Variants in DPP6 observed in about 807,000 individuals in gnomAD.
The protein encoded by DPP6 is A-type potassium channel modulatory protein DPP6.
In DPP6, 69 loss-of-function variants were observed where a neutral mutation model predicts 122.6. That is an observed-to-expected ratio of 0.56 (90% CI 0.46 to 0.69). DPP6 has a LOEUF of 0.69. DPP6 is among the 30% of genes least tolerant of loss of function. The pLI, the probability that DPP6 is intolerant of heterozygous loss-of-function variation, is 0.00. For missense variants in DPP6, 928 were observed against 1,116.9 expected (o/e 0.83, Z 2.41); for synonymous variants, 418 against 433.1 (o/e 0.97, Z 0.43).
intron 1 of DPP6, among the ~76,000 whole-genome samples, chr7:153,918,198 A>G (rs956681834): frequency 2.0e-5 from 3 of 152,194 alleles, no homozygotes; most frequent in African/African-American, 7.2e-5. Context: ...ATTGGTCTCT[A>G]CAACATGACC....
chr7:154,308,169 C>T (rs1477231986), intron 1 of DPP6, among the ~76,000 whole-genome samples: 2 of 151,874 alleles, frequency 1.3e-5, no homozygotes, highest in East Asian at 3.8e-4. Flanking sequence ...CTTTACCAGC[C>T]TTGGTATTTG....
intron 17 of DPP6, among the ~76,000 whole-genome samples, chr7:154,860,269 C>T (rs768355712): frequency 2.0e-5 from 3 of 152,130 alleles, no homozygotes; most frequent in East Asian, 1.9e-4. Flanking sequence ...AAGCACAGGG[C>T]GCCCACACAT....
At position 154,481,893 on chromosome 7, in the gene DPP6, T is replaced by C. The variant is rs1823334777; in HGVS notation, c.457+6856T>C. On this transcript the variant is annotated intron_variant, in intron 3 of 25. Transcript: ENST00000377770. This position sits in a 1 kb window ranked among gnomAD's most constrained non-coding sequence, Gnocchi z 4.2. ...AGTATAATTATTTATGAATGTAAAC[T>C]CCACAAGGATGGGACTCGCATCTCT... Among the ~76,000 whole-genome samples, 1 of 152,210 alleles carries C rather than the reference T, an allele frequency of 6.6e-6. No individual in the cohort carries two copies. The highest frequency in any genetic ancestry group is 1.5e-5 in the Non-Finnish European group (1 of 68,048).
intron 2 of DPP6, among the ~76,000 whole-genome samples, chr7:154,456,173 G>A (rs911711767): frequency 1.3e-5 from 2 of 152,186 alleles, no homozygotes; most frequent in African/African-American, 2.4e-5. Flanking sequence ...GAACTAGGAA[G>A]ATGAAATTCC....
intron 6 of DPP6, among the ~76,000 whole-genome samples, chr7:154,666,206 T>TACATACATACATAC (rs369121970): frequency 0.04 from 5,782 of 145,430 alleles, 304 homozygotes; most frequent in African/African-American, 0.11. Context: ...TATATACACA[T>TACATACATACATAC]ATACATACAT....
the DPP6 span, among the ~76,000 whole-genome samples, chr7:153,827,861 G>C: frequency 6.6e-6 from 1 of 152,162 alleles, no homozygotes; most frequent in South Asian, 2.1e-4. Context: ...TAGACAGCTG[G>C]ACTTTTACCT....
chr7:153,800,287 T>G, the DPP6 span, among the ~76,000 whole-genome samples: 16 of 152,310 alleles, frequency 1.1e-4, no homozygotes, highest in Non-Finnish European at 2.2e-4. Flanking sequence ...CACATGGAAC[T>G]ATAGGTTGTC....
chr7:154,530,073 C>A (rs1474070861), intron 3 of DPP6, among the ~76,000 whole-genome samples: 1 of 149,914 alleles, frequency 6.7e-6, no homozygotes, highest in African/African-American at 2.5e-5. Context: ...CTGCAGTGAG[C>A]AGAAATCACA....
At chr7:154,354,732 T>G (rs1811137559) in intron 1 of DPP6, among the ~76,000 whole-genome samples, 1 of 152,246 alleles carries the variant, frequency 6.6e-6, no homozygotes, top group South Asian at 2.1e-4. Flanking sequence ...ACTCTTCGCA[T>G]TTCTGTAAAG....
At chr7:154,380,731 C>A (rs1014984891) in intron 1 of DPP6, among the ~76,000 whole-genome samples, 10 of 152,220 alleles carry the variant, frequency 6.6e-5, no homozygotes, top group African/African-American at 1.9e-4. Context: ...AGTGTCTGGG[C>A]TGCAGATCCC....
At chr7:153,895,099 T>G (rs1364222169) in intron 1 of DPP6, among the ~76,000 whole-genome samples, 1 of 152,198 alleles carries the variant, frequency 6.6e-6, no homozygotes, top group East Asian at 1.9e-4. Context: ...AAAACAAGAA[T>G]CTTTAAAGAA....
chr7:154,047,718 C>A (rs1392839868), upstream of DPP6, among the ~76,000 whole-genome samples: 2 of 152,202 alleles, frequency 1.3e-5, no homozygotes, highest in Non-Finnish European at 2.9e-5. Context: ...ATTCAGAGGG[C>A]AGCAAGGAAG....
At chr7:154,435,235 A>G (rs1818761177) in intron 1 of DPP6, among the ~76,000 whole-genome samples, 1 of 152,030 alleles carries the variant, frequency 6.6e-6, no homozygotes, top group South Asian at 2.1e-4. Context: ...ACAGAGAGAC[A>G]GAGAGAGAAC....
chr7:154,662,066 G>C (rs1293980926), intron 6 of DPP6, among the ~76,000 whole-genome samples: 1 of 143,710 alleles, frequency 7.0e-6, no homozygotes, highest in African/African-American at 2.6e-5. Flanking sequence ...TCACCATGGC[G>C]TATTGGCCAT....
chr7:154,245,635 CAAA>C (rs71182888), intron 1 of DPP6, among the ~76,000 whole-genome samples: 24 of 100,624 alleles, frequency 2.4e-4, no homozygotes, highest in Non-Finnish European at 2.7e-4. Flanking sequence ...AAGACTGTCT[CAAA>C]AAAAAAAAAA....
At chr7:154,149,956 CT>C (rs1796327420) in intron 1 of DPP6, among the ~76,000 whole-genome samples, 1 of 152,016 alleles carries the variant, frequency 6.6e-6, no homozygotes, top group East Asian at 1.9e-4. Context: ...GAAGGCGGCT[CT>C]TTTTTTCTCA....
chr7:154,114,408 T>C lies in DPP6; in HGVS notation c.243+61345T>C, dbSNP rs999527450. Among the ~76,000 whole-genome samples the C allele has an allele frequency of 1.3e-3, 198 of 152,118 alleles. 2 individuals carry two copies. Among genetic ancestry groups the C allele is most frequent in the Admixed American group, 3.2e-3 (49 of 15,270 alleles). On this transcript the variant is annotated intron_variant, in intron 1 of 25. Coordinates refer to ENST00000377770, the MANE Select transcript of DPP6 (RefSeq NM_130797.4). ...ATAATATGAAGGCTAAATGAGATCC[T>C]GTAAAGCAATCTTTCCAAGTCCTGA... is the stretch of plus-strand genomic sequence containing the variant.
Position 154,859,485 on chromosome 7 carries a change from C to T in DPP6, c.1714+5658C>T, listed in dbSNP as rs1399991879. Among the ~76,000 whole-genome samples the T allele has an allele frequency of 3.9e-5, 6 of 152,346 alleles. No individual in the cohort carries two copies. The East Asian group carries it at 1.2e-3, about 29-fold the overall frequency. On this transcript the variant is annotated intron_variant, in intron 17 of 25. Coordinates refer to ENST00000377770, the MANE Select transcript of DPP6 (RefSeq NM_130797.4). Reference sequence around the variant, plus strand: ...TGGGACCCGTCTTTATCATACTATCCTCTCCCAGCCCTGCTGTGAAATTTG... The same window carrying T: ...TGGGACCCGTCTTTATCATACTATCTTCTCCCAGCCCTGCTGTGAAATTTG...
chr7:154,246,049 G>T (rs559710076), intron 1 of DPP6, among the ~76,000 whole-genome samples: 69 of 152,270 alleles, frequency 4.5e-4, no homozygotes, highest in Non-Finnish European at 8.1e-4. Flanking sequence ...TAAAGATTAT[G>T]TCCTTTAACC....
Sources: allele counts gnomAD v4.1 joint callset (sites outside exome capture counted in the v4.1 genomes callset), GRCh38; gene constraint gnomAD v4.1.1; non-coding constraint Gnocchi (gnomAD v3.1); transcripts MANE v1.5; gene names NCBI Gene and HGNC (gene_info 2026-07-23, HGNC 2026-07-21).